Variants in ARID1B observed in about 807,000 individuals in gnomAD.
The protein encoded by ARID1B is AT-rich interaction domain 1B.
A neutral mutation model predicts 212.3 loss-of-function variants in ARID1B; 30 were observed. The observed-to-expected ratio is 0.14, with a 90% CI of 0.11 to 0.19. The LOEUF is 0.19. Among genes scored for constraint, ARID1B ranks in the 10% least tolerant of loss-of-function variants. ARID1B has a pLI of 1.00. For missense variants in ARID1B, 2,891 were observed against 3,204.0 expected (o/e 0.90, Z 2.36); for synonymous variants, 1,402 against 1,301.7 (o/e 1.08, Z -1.66).
intron 12 of ARID1B, 112 bp downstream of exon 12, chr6:157,181,290 C>CTTA: frequency 7.3e-7 from 1 of 1,362,886 alleles, no homozygotes; most frequent in Non-Finnish European, 1.0e-6. Flanking sequence ...AAAAGCTAAG[C>CTTA]CTGTGTGAAA....
chr6:157,125,278 C>T (rs1007604617), intron 6 of ARID1B, among the ~76,000 whole-genome samples: 1 of 152,186 alleles, frequency 6.6e-6, no homozygotes, highest in Non-Finnish European at 1.5e-5. Flanking sequence ...CAATAAGCCT[C>T]GGGCCTGGCT....
chr6:157,149,104 T>C, intron 8 of ARID1B, 153 bp downstream of exon 8: 1 of 758,518 alleles, frequency 1.3e-6, no homozygotes, highest in Non-Finnish European at 2.1e-6. Context: ...ATATATTCTG[T>C]AGCATCGAGG....
chr6:156,915,998 A>G (rs1180069062), intron 3 of ARID1B, among the ~76,000 whole-genome samples: 1 of 147,954 alleles, frequency 6.8e-6, no homozygotes, highest in Non-Finnish European at 1.5e-5. Context: ...CCTACATTTT[A>G]ATATATATTT....
Position 157,180,912 on chromosome 6 carries a change from T to C in ARID1B, c.3505-57T>C, listed in dbSNP as rs190264322. 5,682 of 1,477,610 alleles carry C rather than the reference T, an allele frequency of 3.8e-3. 18 individuals are homozygous for C. Among genetic ancestry groups the C allele is most frequent in the Non-Finnish European group, 4.7e-3 (5,015 of 1,070,360 alleles). 91.5% of individuals were successfully genotyped at this position (1,477,610 alleles called of 1,614,324 possible). ...AGCTCATTACTTTTTTCTCACCTTC[T>C]TCCCTCTCCCTCTGCCCACCCATGC... On this transcript the variant is annotated intron_variant, in intron 11 of 19. Transcript: ENST00000636930.
chr6:156,949,593 T>C (rs1363085083), intron 4 of ARID1B, among the ~76,000 whole-genome samples: 1 of 152,204 alleles, frequency 6.6e-6, no homozygotes. Flanking sequence ...GGCTGACTCT[T>C]GTCTAAATCA....
At chr6:156,856,671 TC>T (rs1413983662) in intron 2 of ARID1B, among the ~76,000 whole-genome samples, 2 of 95,134 alleles carry the variant, frequency 2.1e-5, no homozygotes, top group Admixed American at 2.0e-4. Context: ...GGCATGCATA[TC>T]CTCTCTCTCT....
At chr6:157,106,620 A>G (rs761686076) in intron 5 of ARID1B, among the ~76,000 whole-genome samples, 1 of 152,306 alleles carries the variant, frequency 6.6e-6, no homozygotes, top group Non-Finnish European at 1.5e-5. Context: ...GAGTTTAATT[A>G]TATCTGCAAA....
intron 4 of ARID1B, among the ~76,000 whole-genome samples, chr6:157,049,553 T>TAA (rs1782455872): frequency 6.6e-6 from 1 of 152,194 alleles, no homozygotes; most frequent in Non-Finnish European, 1.5e-5. Flanking sequence ...CCATGTACAT[T>TAA]TTTATAAGAA....
rs746048984 is a variant in ARID1B, at chr6:157,201,254, C to T, written c.5029C>T (p.Pro1677Ser). 1.9e-6 allele frequency: 3 copies of T among 1,614,116 alleles called. No individual in the cohort carries two copies. The Admixed American group carries it at 5.0e-5, about 27-fold the overall frequency. ...PSLPNHISRA[P>S]SPASFQRSLE... Reference sequence around the variant, plus strand: ...ACTGCCAAATCACATCTCCAGGGCGCCCAGCCCAGCGTCCTTCCAGCGCTC... The same window carrying T: ...ACTGCCAAATCACATCTCCAGGGCGTCCAGCCCAGCGTCCTTCCAGCGCTC... The change falls in exon 18 of 20, where the codon CCC becomes TCC. Residue 1677 changes from proline to serine, a missense_variant. Coordinates refer to ENST00000636930, the MANE Select transcript of ARID1B (RefSeq NM_001374828.1). The surrounding 1 kb of genome is among the most constrained non-coding windows in gnomAD (Gnocchi z 5.2).
chr6:156,907,764 C>T (rs1349960777), intron 3 of ARID1B, among the ~76,000 whole-genome samples: 1 of 151,388 alleles, frequency 6.6e-6, no homozygotes, highest in Non-Finnish European at 1.5e-5. Flanking sequence ...AAAAATTAGC[C>T]AGGCATGTTG....
rs777318343 is a variant in ARID1B, at chr6:157,207,843, G to T, written c.7071G>T (p.Leu2357=). The T allele has an allele frequency of 6.6e-7, 1 of 1,516,916 alleles. No homozygotes were observed. The highest frequency in any genetic ancestry group is 1.4e-5 in the African/African-American group (1 of 71,910). The allele number at this position is 1,516,916 out of a possible 1,614,324, so 94.0% of individuals were successfully genotyped here. ...DISISAVLNS[L]VASVICDVLF... is the part of the protein sequence containing the mutation. ...CGATATCAGCTGTCCTGAACTCTCT[G>T]GTTGCATCTGTCATCTGTGATGTAC... Residue 2357 remains leucine, a synonymous_variant, in exon 20 of 20, where the codon CTG becomes CTT. Coordinates refer to ENST00000636930, the MANE Select transcript of ARID1B (RefSeq NM_001374828.1). The surrounding 1 kb of genome is among the most constrained non-coding windows in gnomAD (Gnocchi z 8.5).
At chr6:156,851,836 A>G (rs287923) in intron 2 of ARID1B, among the ~76,000 whole-genome samples, 24,517 of 152,244 alleles carry the variant, frequency 0.16, 2,159 homozygotes, top group Middle Eastern at 0.2. Flanking sequence ...AGGCTTGAAT[A>G]TAGCTAGCTA....
At chr6:156,789,526 A>G (rs1779875775) in intron 1 of ARID1B, among the ~76,000 whole-genome samples, 1 of 152,220 alleles carries the variant, frequency 6.6e-6, no homozygotes, top group Admixed American at 6.5e-5. Context: ...CTACACAGTA[A>G]GGTGTAAAGG....
chr6:157,045,131 C>T (rs548784537), intron 4 of ARID1B, among the ~76,000 whole-genome samples: 1 of 152,268 alleles, frequency 6.6e-6, no homozygotes, highest in South Asian at 2.1e-4. Flanking sequence ...GAAAGATAAA[C>T]TACTATAAAG....
chr6:156,827,462 C>T (rs529214453), intron 1 of ARID1B, among the ~76,000 whole-genome samples: 1 of 152,262 alleles, frequency 6.6e-6, no homozygotes. Flanking sequence ...GCAACCTGAC[C>T]TGCTTCCAGC....
At chr6:156,805,585 AT>A (rs1781098513) in intron 1 of ARID1B, among the ~76,000 whole-genome samples, 2 of 151,934 alleles carry the variant, frequency 1.3e-5, no homozygotes, top group South Asian at 4.2e-4. Context: ...CTACAAGAAA[AT>A]TTTTTTTCTA....
In ARID1B at chr6:157,072,788, CTT is replaced by C. The variant is rs369873982; in HGVS notation, c.2248-11872_2248-11871del. On this transcript the variant is annotated intron_variant, in intron 4 of 19. Transcript: ENST00000636930. ...TTAACTCATTCAGTTCTCTCAGCCTCTTTGAGACAGAGATCCATTTTATAGGT... is the reference window on the plus strand; with the variant it reads ...TTAACTCATTCAGTTCTCTCAGCCTCTGAGACAGAGATCCATTTTATAGGT... Among the ~76,000 whole-genome samples the C allele has an allele frequency of 1.4e-3, 212 of 152,280 alleles. 3 individuals are homozygous for C. Among genetic ancestry groups the C allele is most frequent in the South Asian group, 0.013 (65 of 4,830 alleles).
intron 3 of ARID1B, among the ~76,000 whole-genome samples, chr6:156,928,426 C>T (rs1206030952): frequency 1.3e-5 from 2 of 152,124 alleles, no homozygotes; most frequent in Admixed American, 6.5e-5. Flanking sequence ...TTTGGGTGCT[C>T]TCCTTCGGTG....
At chr6:156,940,199 A>C (rs1324330276) in intron 4 of ARID1B, 1 of 152,202 alleles carries the variant, frequency 6.6e-6, no homozygotes, top group Non-Finnish European at 1.5e-5. Flanking sequence ...AGAGCGTTTG[A>C]AAATGGACTG....
Sources: allele counts gnomAD v4.1 joint callset (sites outside exome capture counted in the v4.1 genomes callset), GRCh38; gene constraint gnomAD v4.1.1; non-coding constraint Gnocchi (gnomAD v3.1); transcripts MANE v1.5; gene names NCBI Gene and HGNC (gene_info 2026-07-23, HGNC 2026-07-21).